DISP1: variants seen among roughly 807,000 people sequenced by gnomAD.
The protein encoded by DISP1 is protein dispatched homolog 1.
A neutral mutation model predicts 37.3 loss-of-function variants in DISP1; 30 were observed. The ratio of observed to expected loss-of-function variants is 0.80; its 90% CI spans 0.60 to 1.09. The LOEUF (loss-of-function observed/expected upper bound fraction) is 1.09. Ranked by LOEUF, DISP1 falls within the 50% of genes least tolerant of loss-of-function variation. DISP1 has a pLI of 0.00. For synonymous variants in DISP1, 634 were observed against 690.2 expected, an observed-to-expected ratio of 0.92 and a Z score of 1.28; for missense variants, 1,598 against 1,879.5, an observed-to-expected ratio of 0.85 and a Z score of 2.77.
At chr1:222,989,569 A>G in intron 4 of DISP1, 2 of 985,148 alleles carry the variant, frequency 2.0e-6, no homozygotes, top group South Asian at 4.7e-5. Flanking sequence ...GAAAGGGCCC[A>G]GTGTTAGGAT....
In DISP1 at chr1:222,943,101, G is replaced by A. The variant is rs1198589516; in HGVS notation, c.278G>A (p.Ser93Asn). ...TGCCCATACCATCACCCTTTGACTA[G>A]CCATAGCAGTCACCAAGAGTGCCAT... ...HPCPYHHPLT[S>N]HSSHQECHPE... is the part of the protein sequence containing the mutation. The change falls in exon 3 of 9, where the codon AGC becomes AAC. Residue 93 changes from serine (S) to asparagine (N), a missense_variant. Physicochemically the swap from Ser to Asn is conservative, Grantham distance 46 (BLOSUM62 1). Transcript: ENST00000675850. 6.2e-7 allele frequency: 1 copy of A among 1,614,008 alleles called. No individual in the cohort carries two copies. The highest frequency in any genetic ancestry group is 8.5e-7 in the Non-Finnish European group (1 of 1,180,012).
intron 4 of DISP1, among the ~76,000 whole-genome samples, chr1:222,983,450 C>T (rs576091322): frequency 6.6e-6 from 1 of 152,128 alleles, no homozygotes; most frequent in East Asian, 1.9e-4. Flanking sequence ...AACCCCATCT[C>T]TACCAAAAAT....
At chr1:222,821,074 T>C (rs1204573908) in intron 1 of DISP1, among the ~76,000 whole-genome samples, 2 of 152,242 alleles carry the variant, frequency 1.3e-5, no homozygotes, top group African/African-American at 4.8e-5. Flanking sequence ...TCTCTGGCCA[T>C]ATGTAGAGTA....
At chr1:222,949,464 C>T (rs938514778) in intron 3 of DISP1, among the ~76,000 whole-genome samples, 3 of 151,746 alleles carry the variant, frequency 2.0e-5, no homozygotes, top group African/African-American at 4.8e-5. Flanking sequence ...TTAATTATTG[C>T]CAAATATTAA....
At chr1:222,974,231 A>G (rs919876984) in intron 3 of DISP1, among the ~76,000 whole-genome samples, 18 of 152,160 alleles carry the variant, frequency 1.2e-4, no homozygotes, top group African/African-American at 3.9e-4. Context: ...TCAACAGTTT[A>G]TAGAAAACTG....
intron 7 of DISP1, among the ~76,000 whole-genome samples, chr1:222,992,331 T>C (rs2102748395): frequency 6.6e-6 from 1 of 152,290 alleles, no homozygotes; most frequent in South Asian, 2.1e-4. Flanking sequence ...AATGAAAAAG[T>C]AATGATTGAG....
intron 1 of DISP1, among the ~76,000 whole-genome samples, chr1:222,924,480 C>A (rs967965233): frequency 1.3e-5 from 2 of 152,126 alleles, no homozygotes; most frequent in Non-Finnish European, 2.9e-5. Flanking sequence ...AACTTCAAGT[C>A]TTCAGTGATT....
intron 3 of DISP1, among the ~76,000 whole-genome samples, chr1:222,963,908 A>G (rs1398635027): frequency 6.6e-6 from 1 of 152,174 alleles, no homozygotes; most frequent in East Asian, 1.9e-4. Flanking sequence ...GAAGAGAAAA[A>G]AATAAAGCGT....
intron 1 of DISP1, among the ~76,000 whole-genome samples, chr1:222,820,308 G>T (rs1018362598): frequency 6.6e-6 from 1 of 152,274 alleles, no homozygotes; most frequent in East Asian, 1.9e-4. Context: ...GTAACTACTT[G>T]GGGCACATAG....
At chr1:222,917,525 C>G (rs1211014796) in intron 1 of DISP1, among the ~76,000 whole-genome samples, 1 of 152,186 alleles carries the variant, frequency 6.6e-6, no homozygotes, top group Non-Finnish European at 1.5e-5. Flanking sequence ...GTTTTTGAAT[C>G]AGGGTAACAT....
At chr1:222,942,471 C>A (rs1674457142) in intron 2 of DISP1, among the ~76,000 whole-genome samples, 1 of 151,954 alleles carries the variant, frequency 6.6e-6, no homozygotes, top group South Asian at 2.1e-4. Flanking sequence ...TATTTGTATC[C>A]TCTCCTCTCA....
chr1:222,871,378 G>A (rs1354399864), intron 1 of DISP1, among the ~76,000 whole-genome samples: 5 of 152,048 alleles, frequency 3.3e-5, no homozygotes, highest in African/African-American at 1.2e-4. Context: ...AAATTACCTT[G>A]GGCAGTATGG....
intron 1 of DISP1, among the ~76,000 whole-genome samples, chr1:222,887,194 G>T (rs1670643291): frequency 6.6e-6 from 1 of 152,182 alleles, no homozygotes; most frequent in African/African-American, 2.4e-5. Flanking sequence ...CTGAAAGCTG[G>T]TGTGTATTAC....
At position 223,005,718 on chromosome 1, in the gene DISP1, C is replaced by G. The variant is rs776528560; in HGVS notation, c.4321C>G (p.Leu1441Val). 4.6e-5 allele frequency: 75 copies of G among 1,614,020 alleles called. No individual in the cohort carries two copies. In the South Asian group the frequency reaches 8.1e-4, roughly 17 times the overall value. ...TENKAGGKVELSLSQTDASVN... is the reference protein window; with the variant it reads ...TENKAGGKVEVSLSQTDASVN... ...AAACAAGGCAGGAGGGAAAGTGGAG[C>G]TGAGCTTGTCACAGACGGATGCAAG... Residue 1441 changes from leucine (L) to valine (V), a missense_variant, in exon 9 of 9, where the codon CTG becomes GTG. Transcript: ENST00000675850.
chr1:222,936,843 CAT>C (rs1491087765), intron 2 of DISP1, among the ~76,000 whole-genome samples: 2 of 40,608 alleles, frequency 4.9e-5, no homozygotes, highest in South Asian at 1.0e-3. Flanking sequence ...TTATATATAT[CAT>C]ATATATGATA....
intron 3 of DISP1, among the ~76,000 whole-genome samples, chr1:222,947,851 A>G (rs1674910215): frequency 6.6e-6 from 1 of 152,120 alleles, no homozygotes; most frequent in African/African-American, 2.4e-5. Context: ...TTGGGTCAGG[A>G]CCGTTGTAGA....
intron 1 of DISP1, among the ~76,000 whole-genome samples, chr1:222,819,533 C>CAT (rs869141930): frequency 7.0e-6 from 1 of 142,506 alleles, no homozygotes; most frequent in Admixed American, 7.4e-5. Flanking sequence ...CACACACACA[C>CAT]ATATCTTTTT....
intron 4 of DISP1, among the ~76,000 whole-genome samples, chr1:222,984,429 T>TAG (rs1678097258): frequency 8.8e-6 from 1 of 113,948 alleles, no homozygotes; most frequent in African/African-American, 3.8e-5. Flanking sequence ...AAAATATATA[T>TAG]ATATATAGAG....
In DISP1 at chr1:222,820,745, C is replaced by T. The variant is rs574405923; in HGVS notation, c.-159+5667C>T. ...GCAAAATATGCATAGTAATACCTAC[C>T]GTACATAGTCATTATAGGAAATACA... is the stretch of plus-strand genomic sequence containing the variant. On this transcript the variant is annotated intron_variant, in intron 1 of 8. Coordinates refer to ENST00000675850, the MANE Select transcript of DISP1 (RefSeq NM_001377229.1). 3.9e-5 allele frequency among the ~76,000 whole-genome samples: 6 copies of T among 152,162 alleles called. No homozygotes were observed. In the South Asian group the frequency reaches 1.2e-3, roughly 32 times the overall value.
Sources: allele counts gnomAD v4.1 joint callset (sites outside exome capture counted in the v4.1 genomes callset), GRCh38; gene constraint gnomAD v4.1.1; transcripts MANE v1.5; gene names NCBI Gene and HGNC (gene_info 2026-07-23, HGNC 2026-07-21).